TANC2: variants seen among roughly 807,000 people sequenced by gnomAD.
TANC2 encodes protein TANC2.
Under a neutral mutation model 210.5 loss-of-function variants are expected in TANC2, and 26 were observed. The ratio of observed to expected loss-of-function variants is 0.12; its 90% CI spans 0.09 to 0.17. The LOEUF is 0.17. Among genes scored for constraint, TANC2 ranks in the 10% least tolerant of loss-of-function variants. TANC2 has a pLI of 1.00. For synonymous variants in TANC2, 931 were observed against 967.1 expected (o/e 0.96, Z 0.69); for missense variants, 2,129 against 2,608.9 (o/e 0.82, Z 4.01).
intron 8 of TANC2, among the ~76,000 whole-genome samples, chr17:63,243,811 A>G (rs1247147773): frequency 6.6e-6 from 1 of 152,208 alleles, no homozygotes; most frequent in African/African-American, 2.4e-5. Flanking sequence ...TATAAACTTT[A>G]TTTCTCAACA....
At chr17:63,406,896 A>C (rs1189846365) in intron 21 of TANC2, among the ~76,000 whole-genome samples, 1 of 152,156 alleles carries the variant, frequency 6.6e-6, no homozygotes, top group Non-Finnish European at 1.5e-5. Context: ...GTAGTAGAAA[A>C]AGCTCATCAC....
At chr17:63,065,821 A>G (rs1373020230) in intron 2 of TANC2, among the ~76,000 whole-genome samples, 2 of 152,136 alleles carry the variant, frequency 1.3e-5, no homozygotes, top group Non-Finnish European at 2.9e-5. Context: ...ATGGTTTGCA[A>G]ATATTTTTTC....
At position 63,421,166 on chromosome 17, in the gene TANC2, C is replaced by CT; in HGVS notation, c.5437dup (p.Cys1813LeufsTer18). The CT allele has an allele frequency of 6.2e-7, 1 of 1,613,980 alleles. No homozygotes were observed. Among genetic ancestry groups the CT allele is most frequent in the Non-Finnish European group, 8.5e-7 (1 of 1,179,880 alleles). On this transcript the variant is annotated frameshift_variant, in exon 28 of 28. Transcript: ENST00000689528. LOFTEE classifies it high-confidence loss of function. The surrounding 1 kb of genome is among the most constrained non-coding windows in gnomAD (Gnocchi z 6.9). ...GCCAGTCAGCATCCTATTACCCAGTCTGTCACTCAAAACTAGATCTGGAGC... is the reference window on the plus strand; with the variant it reads ...GCCAGTCAGCATCCTATTACCCAGTCTTGTCACTCAAAACTAGATCTGGAGC...
intron 11 of TANC2, among the ~76,000 whole-genome samples, chr17:63,324,704 A>G (rs965756340): frequency 4.6e-5 from 7 of 152,200 alleles, no homozygotes; most frequent in Non-Finnish European, 7.3e-5. Flanking sequence ...GATTTCATCT[A>G]CATTTGGAAC....
intron 9 of TANC2, among the ~76,000 whole-genome samples, chr17:63,293,702 G>A (rs1201010960): frequency 6.6e-6 from 1 of 151,986 alleles, no homozygotes; most frequent in East Asian, 1.9e-4. Flanking sequence ...TTTATTAAAG[G>A]TTTACACTTT....
In TANC2 at chr17:63,269,305, T is replaced by C. The variant is rs9897337; in HGVS notation, c.1159+1432T>C. On this transcript the variant is annotated intron_variant, in intron 9 of 27. Coordinates refer to ENST00000689528, the Ensembl canonical transcript of TANC2. The stretch of plus-strand genomic sequence containing the variant: ...ATACCAGTTGCATGGCATATGCAAC[T>C]GTGTGTTTACAGTCCAGAAAATGGA... Among the ~76,000 whole-genome samples the C allele has an allele frequency of 8.0e-3, 1,212 of 152,266 alleles. 18 individuals are homozygous for C. Among genetic ancestry groups the C allele is most frequent in the African/African-American group, 0.027 (1,126 of 41,572 alleles).
intron 15 of TANC2, chr17:63,381,432 G>A (rs1038068898): frequency 2.0e-4 from 30 of 152,196 alleles, no homozygotes; most frequent in African/African-American, 7.2e-4. Context: ...TCCTTTAAAT[G>A]CAGTGTTCCC....
intron 2 of TANC2, among the ~76,000 whole-genome samples, chr17:63,048,272 A>G (rs2035453709): frequency 6.6e-6 from 1 of 152,144 alleles, no homozygotes; most frequent in African/African-American, 2.4e-5. Flanking sequence ...AGTAAAACAT[A>G]AATATTTGGG....
chr17:63,313,108 A>G (rs2045185656), intron 9 of TANC2, among the ~76,000 whole-genome samples: 1 of 152,160 alleles, frequency 6.6e-6, no homozygotes, highest in South Asian at 2.1e-4. Flanking sequence ...AGTATAAATT[A>G]TCTCATTTTC....
intron 9 of TANC2, among the ~76,000 whole-genome samples, chr17:63,272,314 T>C (rs1365621806): frequency 1.3e-5 from 2 of 152,200 alleles, no homozygotes; most frequent in African/African-American, 2.4e-5. Flanking sequence ...GGTTGGTCTA[T>C]GCGTCTGTTT....
chr17:63,318,964 T>G, exon 11 of TANC2: 1 of 1,612,880 alleles, frequency 6.2e-7, no homozygotes, highest in Non-Finnish European at 8.5e-7. Flanking sequence ...CAGATGTGGA[T>G]GCCAACAGAG....
intron 14 of TANC2, among the ~76,000 whole-genome samples, chr17:63,356,300 A>T (rs1323654327): frequency 6.6e-6 from 1 of 152,208 alleles, no homozygotes; most frequent in East Asian, 1.9e-4. Flanking sequence ...TCCTTTAATA[A>T]AGTTGGTGTT....
chr17:63,169,069 C>A (rs923850629), intron 5 of TANC2, among the ~76,000 whole-genome samples: 2 of 152,174 alleles, frequency 1.3e-5, no homozygotes, highest in Admixed American at 1.3e-4. Context: ...CAACCAGTTA[C>A]CTCTAGTGGT....
chr17:63,348,743 T>A (rs1018517131), intron 12 of TANC2, among the ~76,000 whole-genome samples: 2 of 151,646 alleles, frequency 1.3e-5, no homozygotes, highest in Non-Finnish European at 2.9e-5. Flanking sequence ...TATTTGTAAA[T>A]TTTTTTTAAG....
chr17:63,379,080 A>T (rs1162440643), intron 14 of TANC2, among the ~76,000 whole-genome samples: 1 of 152,216 alleles, frequency 6.6e-6, no homozygotes, highest in East Asian at 1.9e-4. Context: ...CAAGAATGAG[A>T]TTCTGAGGAA....
chr17:63,139,908 A>G (rs572559501), intron 4 of TANC2, among the ~76,000 whole-genome samples: 1 of 152,304 alleles, frequency 6.6e-6, no homozygotes, highest in Admixed American at 6.5e-5. Context: ...TATCTCAAGA[A>G]AGAAAGAAAT....
At chr17:63,305,034 G>C (rs1028292427) in intron 9 of TANC2, among the ~76,000 whole-genome samples, 1 of 152,208 alleles carries the variant, frequency 6.6e-6, no homozygotes. Flanking sequence ...ATTGTTCGCT[G>C]TTGCCCCTTC....
exon 28 of TANC2, chr17:63,422,021 T>C (rs2049038496): frequency 1.3e-6 from 2 of 1,515,460 alleles, no homozygotes; most frequent in Admixed American, 2.1e-5. Flanking sequence ...GTTTCCACAT[T>C]CGAGGTAGTT....
At chr17:63,143,922 G>A (rs1598467864) in intron 4 of TANC2, among the ~76,000 whole-genome samples, 1 of 152,062 alleles carries the variant, frequency 6.6e-6, no homozygotes, top group East Asian at 1.9e-4. Flanking sequence ...GGAGGCTGAG[G>A]CAGGAGGATT....
Sources: gnomAD v4.1 joint callset for allele counts (sites outside exome capture counted in the v4.1 genomes callset) on GRCh38, gnomAD v4.1.1 for gene constraint, Gnocchi (gnomAD v3.1) non-coding constraint, MANE v1.5 for transcripts, NCBI Gene and HGNC (gene_info 2026-07-23, HGNC 2026-07-21) for gene names.